The following ACSS3 variants were observed in gnomAD, a reference collection of about 807,000 sequenced individuals.
ACSS3 encodes the protein acyl-CoA synthetase short chain family member 3.
In ACSS3, 64 loss-of-function variants were observed where a neutral mutation model predicts 84.2. The observed-to-expected ratio is 0.76, with a 90% CI of 0.62 to 0.94. The LOEUF (loss-of-function observed/expected upper bound fraction) is 0.94, where lower values mean the gene tolerates loss of function less well. Ranked by LOEUF, ACSS3 falls within the 40% of genes least tolerant of loss-of-function variation. The probability of loss-of-function intolerance (pLI) is 0.00; values close to 1 mark genes in which losing one functional copy is unlikely to be tolerated. For missense variants in ACSS3, 815 were observed against 867.6 expected (o/e 0.94, Z 0.76); for synonymous variants, 317 against 310.1 (o/e 1.02, Z -0.23).
At chr12:81,179,245 A>G (rs1250106925) in intron 8 of ACSS3, among the ~76,000 whole-genome samples, 4 of 146,960 alleles carry the variant, frequency 2.7e-5, no homozygotes, top group Non-Finnish European at 4.5e-5. Flanking sequence ...CAAAGATTTC[A>G]TGATGAAGAC....
intron 1 of ACSS3, among the ~76,000 whole-genome samples, chr12:81,102,340 A>G (rs1882582848): frequency 6.6e-6 from 1 of 152,186 alleles, no homozygotes; most frequent in Admixed American, 6.6e-5. Context: ...AATCTTGTAC[A>G]GGATCCTCTA....
intron 13 of ACSS3, among the ~76,000 whole-genome samples, chr12:81,244,958 CT>C (rs1400771015): frequency 1.3e-5 from 2 of 150,440 alleles, no homozygotes; most frequent in African/African-American, 2.4e-5. Context: ...TTTATTTTAC[CT>C]TTTAGTATGC....
At chr12:81,161,086 A>G (rs1887122962) in intron 7 of ACSS3, among the ~76,000 whole-genome samples, 1 of 152,240 alleles carries the variant, frequency 6.6e-6, no homozygotes, top group African/African-American at 2.4e-5. Context: ...TATAAACACT[A>G]AACATAAATT....
At chr12:81,138,438 G>A (rs1206672713) in intron 3 of ACSS3, among the ~76,000 whole-genome samples, 1 of 152,136 alleles carries the variant, frequency 6.6e-6, no homozygotes, top group Non-Finnish European at 1.5e-5. Context: ...GAAAAGAGAG[G>A]TTAACATAAG....
intron 8 of ACSS3, among the ~76,000 whole-genome samples, chr12:81,175,152 A>T (rs1342848113): frequency 6.6e-6 from 1 of 152,208 alleles, no homozygotes; most frequent in Non-Finnish European, 1.5e-5. Flanking sequence ...TGTTAATTTC[A>T]GTTCAAATAT....
In ACSS3 at chr12:81,237,598, A is replaced by T. The variant is rs35768512; in HGVS notation, c.1719+4127A>T. Among the ~76,000 whole-genome samples the T allele has an allele frequency of 8.5e-3, 1,294 of 151,704 alleles. 16 individuals are homozygous for T. Among genetic ancestry groups the T allele is most frequent in the Non-Finnish European group, 0.013 (886 of 67,730 alleles). On this transcript the variant is annotated intron_variant, in intron 13 of 15. Transcript: ENST00000548058. ...ATCATGAGGTTCTGGATCCTATTTA[A>T]ATCTTCTGCATTTCTGTTCTTGTGG...
At chr12:81,238,553 G>A (rs915960161) in intron 13 of ACSS3, among the ~76,000 whole-genome samples, 3 of 151,668 alleles carry the variant, frequency 2.0e-5, no homozygotes, top group African/African-American at 7.3e-5. Flanking sequence ...AATAAATATA[G>A]GCCTATTCAG....
intron 7 of ACSS3, among the ~76,000 whole-genome samples, chr12:81,165,252 G>A (rs867315798): frequency 3.1e-4 from 47 of 152,242 alleles, no homozygotes; most frequent in African/African-American, 1.0e-3. Context: ...TCTATTGTCA[G>A]CTCCAAATCA....
At chr12:81,224,821 C>T (rs1337419160) in intron 11 of ACSS3, among the ~76,000 whole-genome samples, 1 of 151,864 alleles carries the variant, frequency 6.6e-6, no homozygotes, top group African/African-American at 2.4e-5. Flanking sequence ...TCCATGTTTT[C>T]TACGCTACTG....
At chr12:81,174,045 G>T (rs1350369100) in intron 7 of ACSS3, among the ~76,000 whole-genome samples, 1 of 152,160 alleles carries the variant, frequency 6.6e-6, no homozygotes, top group African/African-American at 2.4e-5. Flanking sequence ...GGAAGAAGGG[G>T]ATGTGGCTTG....
At chr12:81,079,479 G>A (rs1342344298) in intron 1 of ACSS3, among the ~76,000 whole-genome samples, 1 of 152,220 alleles carries the variant, frequency 6.6e-6, no homozygotes, top group African/African-American at 2.4e-5. Context: ...GTCAGAGCAA[G>A]AAATCTGGAA....
At chr12:81,182,058 A>G (rs1204624622) in intron 8 of ACSS3, among the ~76,000 whole-genome samples, 1 of 152,182 alleles carries the variant, frequency 6.6e-6, no homozygotes, top group Middle Eastern at 3.2e-3. Context: ...TCAGATCCCT[A>G]AAGCGCACAG....
intron 13 of ACSS3, among the ~76,000 whole-genome samples, chr12:81,243,181 G>A (rs893424626): frequency 6.6e-6 from 1 of 152,122 alleles, no homozygotes; most frequent in African/African-American, 2.4e-5. Context: ...CAAAATCAAT[G>A]TACAAAAATC....
At chr12:81,166,126 G>C (rs1273395040) in intron 7 of ACSS3, among the ~76,000 whole-genome samples, 1 of 152,198 alleles carries the variant, frequency 6.6e-6, no homozygotes, top group Non-Finnish European at 1.5e-5. Flanking sequence ...ATAATCTGGA[G>C]AGGGACAATT....
intron 2 of ACSS3, among the ~76,000 whole-genome samples, chr12:81,127,886 T>A (rs1885213781): frequency 6.6e-6 from 1 of 152,188 alleles, no homozygotes; most frequent in Non-Finnish European, 1.5e-5. Flanking sequence ...TTTGCCAATT[T>A]TGACTAATCT....
At chr12:81,098,501 A>G (rs1319190073) in intron 1 of ACSS3, among the ~76,000 whole-genome samples, 1 of 152,156 alleles carries the variant, frequency 6.6e-6, no homozygotes, top group Non-Finnish European at 1.5e-5. Context: ...CATTTTGCTT[A>G]AAGTCTCCAT....
intron 2 of ACSS3, 39 bp downstream of exon 2, chr12:81,109,743 TATAG>T (rs1322334824): frequency 6.9e-7 from 1 of 1,441,078 alleles, no homozygotes; most frequent in Admixed American, 2.3e-5. Flanking sequence ...TATGAATTCA[TATAG>T]AAATTACTTA....
rs1436624902 is a variant in ACSS3, at chr12:81,259,756, T to C, written c.*4834T>C. ...GTGGTGTACCTCCACGCAGCCTGCT[T>C]ACTCCTGTCCTAGAAGATCATGAGA... On this transcript the variant is annotated 3_prime_UTR_variant, in exon 16 of 16. Transcript: ENST00000548058. 5 of 1,035,258 alleles carry C rather than the reference T, an allele frequency of 4.8e-6. No individual in the cohort carries two copies. The highest frequency in any genetic ancestry group is 5.7e-6 in the Non-Finnish European group (4 of 703,388). 64.1% of individuals were successfully genotyped at this position (1,035,258 alleles called of 1,614,324 possible).
At chr12:81,135,059 T>TCATCCACAGATAAA in intron 3 of ACSS3, 55 bp downstream of exon 3, 1 of 1,419,444 alleles carries the variant, frequency 7.0e-7, no homozygotes, top group Non-Finnish European at 9.5e-7. Flanking sequence ...TTAGTCATAT[T>TCATCCACAGATAAA]TATCTGTGGA....
Sources: allele counts gnomAD v4.1 joint callset (sites outside exome capture counted in the v4.1 genomes callset), GRCh38; gene constraint gnomAD v4.1.1; transcripts MANE v1.5; gene names NCBI Gene and HGNC (gene_info 2026-07-23, HGNC 2026-07-21).